KAZN: variants seen among roughly 807,000 people sequenced by gnomAD.
KAZN encodes the protein kazrin, periplakin interacting protein.
In KAZN, 40 loss-of-function variants were observed where a neutral mutation model predicts 87.4. That is an observed-to-expected ratio of 0.46 (90% CI 0.36 to 0.60). The LOEUF is 0.60. KAZN is among the 20% of genes least tolerant of loss of function. The pLI, the probability that KAZN is intolerant of heterozygous loss-of-function variation, is 0.00. For synonymous variants in KAZN, 466 were observed against 458.3 expected, an observed-to-expected ratio of 1.02 and a Z score of -0.22; for missense variants, 898 against 1,073.9, an observed-to-expected ratio of 0.84 and a Z score of 2.29.
At chr1:14,065,236 G>T (rs901738534) in intron 1 of KAZN, among the ~76,000 whole-genome samples, 19 of 152,186 alleles carry the variant, frequency 1.2e-4, no homozygotes, top group East Asian at 9.6e-4. Context: ...AGCTCATTCA[G>T]GTCACATGGA....
At chr1:14,406,536 G>A (rs967392609) in intron 2 of KAZN, among the ~76,000 whole-genome samples, 24 of 152,060 alleles carry the variant, frequency 1.6e-4, no homozygotes, top group African/African-American at 4.3e-4. Flanking sequence ...TTGGGAACTC[G>A]AGGGGAAAGG....
At chr1:13,939,507 A>G (rs1640856447) in intron 1 of KAZN, among the ~76,000 whole-genome samples, 1 of 152,236 alleles carries the variant, frequency 6.6e-6, no homozygotes, top group South Asian at 2.1e-4. Context: ...TTTTGGTCAC[A>G]ACCATTTAAC....
intron 2 of KAZN, among the ~76,000 whole-genome samples, chr1:14,382,022 T>C (rs1042063628): frequency 6.6e-6 from 1 of 152,234 alleles, no homozygotes; most frequent in Non-Finnish European, 1.5e-5. Context: ...GTAGCACTTA[T>C]ATATCCCAAC....
At chr1:14,742,692 CT>C (rs1644142837) in intron 1 of KAZN, among the ~76,000 whole-genome samples, 1 of 152,250 alleles carries the variant, frequency 6.6e-6, no homozygotes, top group African/African-American at 2.4e-5. Context: ...ATCACCCCAT[CT>C]GGCAAGATGC....
intron 1 of KAZN, among the ~76,000 whole-genome samples, chr1:14,147,962 G>A (rs1645389591): frequency 6.6e-6 from 1 of 152,152 alleles, no homozygotes; most frequent in Non-Finnish European, 1.5e-5. Flanking sequence ...GCTTAGTCCT[G>A]TAATCCCAGC....
intron 1 of KAZN, among the ~76,000 whole-genome samples, chr1:14,728,702 C>G (rs1270308258): frequency 6.6e-6 from 1 of 152,152 alleles, no homozygotes; most frequent in African/African-American, 2.4e-5. Flanking sequence ...TAGGATACAC[C>G]CATGAGGACA....
At chr1:14,775,236 G>A (rs534360022) in intron 1 of KAZN, among the ~76,000 whole-genome samples, 3 of 152,188 alleles carry the variant, frequency 2.0e-5, no homozygotes, top group Non-Finnish European at 2.9e-5. Flanking sequence ...TGTGGCCTCC[G>A]ACATCAGAGT....
At chr1:15,015,132 T>TTTATTTA (rs1669946702) in intron 2 of KAZN, among the ~76,000 whole-genome samples, 1 of 149,320 alleles carries the variant, frequency 6.7e-6, no homozygotes, top group African/African-American at 2.5e-5. Context: ...AGTTTTTTCT[T>TTTATTTA]TTTATTTATT....
At chr1:14,002,240 A>G (rs1338438637) in intron 1 of KAZN, among the ~76,000 whole-genome samples, 3 of 152,228 alleles carry the variant, frequency 2.0e-5, no homozygotes, top group Admixed American at 1.3e-4. Flanking sequence ...GCCAACAAAC[A>G]TATGAAAAAA....
chr1:14,551,408 G>A (rs1673510662), intron 2 of KAZN, among the ~76,000 whole-genome samples: 1 of 152,222 alleles, frequency 6.6e-6, no homozygotes, highest in African/African-American at 2.4e-5. Context: ...AGAGAATTTG[G>A]GACATCTCTA....
At chr1:14,060,362 CAAAAAA>C (rs56206554) in intron 1 of KAZN, among the ~76,000 whole-genome samples, 3 of 100,648 alleles carry the variant, frequency 3.0e-5, no homozygotes, top group Admixed American at 1.1e-4. Flanking sequence ...GACTCCACCT[CAAAAAA>C]AAAAAAAAAA....
At chr1:14,556,855 C>G (rs1434831313) in intron 2 of KAZN, among the ~76,000 whole-genome samples, 1 of 152,128 alleles carries the variant, frequency 6.6e-6, no homozygotes, top group Non-Finnish European at 1.5e-5. Flanking sequence ...CTCTTAGTGC[C>G]CAACTTTAAA....
rs116036682 is a variant in KAZN at position 14,675,566 on chromosome 1, C to T, written c.226+76343C>T. On this transcript the variant is annotated intron_variant, in intron 1 of 14. Coordinates refer to ENST00000376030, the MANE Select transcript of KAZN (RefSeq NM_201628.3). ...AGGCTGATATCCCCCACCTGCCTCT[C>T]CCCACTCCAATCTACCATCTCATTT... Among the ~76,000 whole-genome samples, 345 of 152,298 alleles carry T rather than the reference C, an allele frequency of 2.3e-3. 2 individuals are homozygous for T. The highest frequency in any genetic ancestry group is 7.9e-3 in the African/African-American group (327 of 41,562).
At chr1:15,103,544 ACATGCAAATCAATATGCAGATCT>A in intron 12 of KAZN, 84 bp downstream of exon 12, 10 of 883,726 alleles carry the variant, frequency 1.1e-5, no homozygotes, top group African/African-American at 8.3e-5. Flanking sequence ...TATGCAAATC[ACATGCAAATCAATATGCAGATCT>A]CATGCAAATC....
chr1:14,419,676 G>C (rs751163964), intron 2 of KAZN, among the ~76,000 whole-genome samples: 4 of 152,176 alleles, frequency 2.6e-5, no homozygotes, highest in African/African-American at 7.2e-5. Context: ...CTTCCTTCTG[G>C]TGGGTTTGTG....
chr1:15,052,804 G>T (rs1278977877), intron 4 of KAZN, among the ~76,000 whole-genome samples: 1 of 152,158 alleles, frequency 6.6e-6, no homozygotes, highest in Non-Finnish European at 1.5e-5. Flanking sequence ...CCATTCTGAA[G>T]GACCAACCGT....
intron 2 of KAZN, among the ~76,000 whole-genome samples, chr1:14,223,885 C>T (rs1647169118): frequency 6.6e-6 from 1 of 152,128 alleles, no homozygotes; most frequent in Non-Finnish European, 1.5e-5. Flanking sequence ...TGGGAGTCCA[C>T]ATTGATGGGC....
intron 2 of KAZN, among the ~76,000 whole-genome samples, chr1:14,482,074 C>T (rs1347043854): frequency 1.3e-5 from 2 of 152,158 alleles, no homozygotes; most frequent in South Asian, 2.1e-4. Flanking sequence ...CAGGCAATGT[C>T]GGACAGCTTG....
At chr1:14,244,839 G>A (rs1193797883) in intron 2 of KAZN, among the ~76,000 whole-genome samples, 2 of 152,186 alleles carry the variant, frequency 1.3e-5, no homozygotes, top group Non-Finnish European at 2.9e-5. Context: ...TGCAGATTGT[G>A]TAGGGCCTTG....
Sources: allele counts gnomAD v4.1 joint callset (sites outside exome capture counted in the v4.1 genomes callset), GRCh38; gene constraint gnomAD v4.1.1; transcripts MANE v1.5; gene names NCBI Gene and HGNC (gene_info 2026-07-23, HGNC 2026-07-21).